Variants in ANTXR1 observed in about 807,000 individuals in gnomAD.
The protein encoded by ANTXR1 is ANTXR cell adhesion molecule 1, also known as anthrax toxin receptor 1.
A neutral mutation model predicts 78.1 loss-of-function variants in ANTXR1; 19 were observed. That is an observed-to-expected ratio of 0.24 (90% CI 0.17 to 0.36). ANTXR1 has a LOEUF of 0.36. Ranked by LOEUF, ANTXR1 falls within the 10% of genes least tolerant of loss-of-function variation. ANTXR1 has a pLI of 1.00. For synonymous variants in ANTXR1, 273 were observed against 260.5 expected (o/e 1.05, Z -0.46); for missense variants, 518 against 718.6 (o/e 0.72, Z 3.19).
chr2:69,238,039 C>T (rs912064190), intron 17 of ANTXR1, among the ~76,000 whole-genome samples: 42 of 152,266 alleles, frequency 2.8e-4, no homozygotes, highest in African/African-American at 9.9e-4. Context: ...AGAATCAGAG[C>T]TTTCTCTGCT....
intron 12 of ANTXR1, among the ~76,000 whole-genome samples, chr2:69,133,349 G>A (rs372189674): frequency 2.0e-5 from 3 of 152,054 alleles, no homozygotes; most frequent in Non-Finnish European, 2.9e-5. Flanking sequence ...AGGTTCCTTC[G>A]CCCCAACAAT....
At position 69,024,708 on chromosome 2, in the gene ANTXR1, C is replaced by T. The variant is rs528690143; in HGVS notation, c.152+11057C>T. Among the ~76,000 whole-genome samples, 4 of 152,274 alleles carry T rather than the reference C, an allele frequency of 2.6e-5. No individual in the cohort carries two copies. In the East Asian group the frequency reaches 7.7e-4, roughly 29 times the overall value. ...AGTAATCTCTTGTTCACACTCAAGT[C>T]TGATGATATCCACTGCCATATCTCT... On this transcript the variant is annotated intron_variant, in intron 1 of 17. Transcript: ENST00000303714.
intron 17 of ANTXR1, among the ~76,000 whole-genome samples, chr2:69,205,044 A>C (rs1238533662): frequency 6.6e-6 from 1 of 152,226 alleles, no homozygotes. Context: ...GAACAAGGCG[A>C]GATCCCTGCC....
intron 3 of ANTXR1, among the ~76,000 whole-genome samples, chr2:69,068,495 G>T (rs907406591): frequency 6.6e-6 from 1 of 152,186 alleles, no homozygotes; most frequent in Non-Finnish European, 1.5e-5. Context: ...TTCCCGGGCA[G>T]CAGTGATTGC....
chr2:69,133,149 A>C (rs1672806092), intron 12 of ANTXR1, among the ~76,000 whole-genome samples: 1 of 152,200 alleles, frequency 6.6e-6, no homozygotes, highest in Admixed American at 6.5e-5. Flanking sequence ...CCAGAAATTC[A>C]GGTATAACAA....
chr2:69,058,987 T>G (rs140777256), intron 3 of ANTXR1, among the ~76,000 whole-genome samples: 1 of 152,228 alleles, frequency 6.6e-6, no homozygotes, highest in South Asian at 2.1e-4. Context: ...AAGCGGAGCC[T>G]GAAGATGTGG....
chr2:69,045,195 A>G (rs1200167464), intron 3 of ANTXR1, among the ~76,000 whole-genome samples: 1 of 152,192 alleles, frequency 6.6e-6, no homozygotes, highest in Non-Finnish European at 1.5e-5. Flanking sequence ...GTGCACTGTG[A>G]GACAGGTAAG....
chr2:69,093,202 C>T (rs1671293740), intron 9 of ANTXR1, among the ~76,000 whole-genome samples: 1 of 152,210 alleles, frequency 6.6e-6, no homozygotes, highest in African/African-American at 2.4e-5. Context: ...GACTAAATGT[C>T]TTGATTCATG....
At chr2:69,037,811 T>G (rs1265540506) in intron 1 of ANTXR1, among the ~76,000 whole-genome samples, 1 of 151,970 alleles carries the variant, frequency 6.6e-6, no homozygotes, top group Non-Finnish European at 1.5e-5. Flanking sequence ...CTGCGGACAA[T>G]GAGTATCCCA....
intron 13 of ANTXR1, among the ~76,000 whole-genome samples, chr2:69,154,020 G>A (rs1027604362): frequency 1.3e-5 from 2 of 152,124 alleles, no homozygotes; most frequent in Non-Finnish European, 2.9e-5. Flanking sequence ...AGTAACTGCT[G>A]TATATTATTA....
At chr2:69,191,128 A>G (rs1674534239) in intron 16 of ANTXR1, among the ~76,000 whole-genome samples, 1 of 152,238 alleles carries the variant, frequency 6.6e-6, no homozygotes, top group Non-Finnish European at 1.5e-5. Context: ...TAATACAGAA[A>G]ACCATGCAGC....
At position 69,156,519 on chromosome 2, in the gene ANTXR1, A is replaced by C. The variant is rs189978961; in HGVS notation, c.1047+4255A>C. ...CAAAGACATATACCTGAGACTGGGTAATTTATAAAGAAAAGAGGTTCAATT... is the reference window on the plus strand; with the variant it reads ...CAAAGACATATACCTGAGACTGGGTCATTTATAAAGAAAAGAGGTTCAATT... On this transcript the variant is annotated intron_variant, in intron 13 of 17. Transcript: ENST00000303714. Among the ~76,000 whole-genome samples the C allele has an allele frequency of 2.1e-4, 32 of 152,314 alleles. No individual in the cohort carries two copies. In the East Asian group the frequency reaches 6.0e-3, roughly 28 times the overall value.
chr2:69,170,437 G>A lies in ANTXR1; in HGVS notation c.1089+148G>A, dbSNP rs1673951587. On this transcript the variant is annotated intron_variant, in intron 14 of 17. Coordinates refer to ENST00000303714, the MANE Select transcript of ANTXR1 (RefSeq NM_032208.3). ...ATGTACCTGCCTGTGAAGCAGAAGG[G>A]AGGAAACTGTCTGGCCTTTCCTAAC... is the stretch of plus-strand genomic sequence containing the variant. 4 of 911,794 alleles carry A rather than the reference G, an allele frequency of 4.4e-6. No individual in the cohort carries two copies. The South Asian group carries it at 6.2e-5, about 14-fold the overall frequency. The allele number at this position is 911,794 out of a possible 1,614,324, so 56.5% of individuals were successfully genotyped here.
chr2:69,053,583 A>G (rs1418561441), intron 3 of ANTXR1, among the ~76,000 whole-genome samples: 2 of 152,164 alleles, frequency 1.3e-5, no homozygotes, highest in East Asian at 3.8e-4. Flanking sequence ...TCTCTATTAT[A>G]TCAGTTAGCT....
At chr2:69,236,785 G>GA (rs1675774615) in intron 17 of ANTXR1, among the ~76,000 whole-genome samples, 1 of 152,168 alleles carries the variant, frequency 6.6e-6, no homozygotes, top group Non-Finnish European at 1.5e-5. Context: ...GTGCTTCCAT[G>GA]TGATAGAAGA....
intron 17 of ANTXR1, among the ~76,000 whole-genome samples, chr2:69,215,024 C>CCACA (rs1329735142): frequency 5.9e-5 from 9 of 152,208 alleles, no homozygotes; most frequent in African/African-American, 2.2e-4. Context: ...TCTGCACGAC[C>CCACA]CACATCTGGT....
chr2:69,164,957 A>T (rs1673786666), intron 13 of ANTXR1, among the ~76,000 whole-genome samples: 1 of 152,238 alleles, frequency 6.6e-6, no homozygotes, highest in African/African-American at 2.4e-5. Flanking sequence ...TTGAAGCTAA[A>T]CATAGCCCCT....
chr2:69,031,186 G>A (rs1222639909), intron 1 of ANTXR1, among the ~76,000 whole-genome samples: 2 of 152,042 alleles, frequency 1.3e-5, no homozygotes, highest in Non-Finnish European at 2.9e-5. Context: ...ATATAAAATG[G>A]GCCAAAAATA....
chr2:69,189,122 T>C (rs1350737352), intron 16 of ANTXR1, among the ~76,000 whole-genome samples: 2 of 152,246 alleles, frequency 1.3e-5, no homozygotes, highest in Non-Finnish European at 2.9e-5. Context: ...GGTTATAGGT[T>C]GTATTGATTG....
Sources: allele counts gnomAD v4.1 joint callset (sites outside exome capture counted in the v4.1 genomes callset), GRCh38; gene constraint gnomAD v4.1.1; transcripts MANE v1.5; gene names NCBI Gene and HGNC (gene_info 2026-07-23, HGNC 2026-07-21).